Variants in PTPRD observed in about 807,000 individuals in gnomAD.
PTPRD encodes protein tyrosine phosphatase receptor type D.
A neutral mutation model predicts 214.5 loss-of-function variants in PTPRD; 34 were observed. That is an observed-to-expected ratio of 0.16 (90% CI 0.12 to 0.21). The LOEUF (loss-of-function observed/expected upper bound fraction) is 0.21. PTPRD is among the 10% of genes least tolerant of loss of function. The pLI is 1.00. For synonymous variants in PTPRD, 1,128 were observed against 845.7 expected (o/e 1.33, Z -5.79); for missense variants, 2,545 against 2,398.7 (o/e 1.06, Z -1.27).
intron 2 of PTPRD, among the ~76,000 whole-genome samples, chr9:10,352,114 A>ATATT: frequency 6.6e-6 from 1 of 152,142 alleles, no homozygotes; most frequent in East Asian, 1.9e-4. Flanking sequence ...AAAGCAAATC[A>ATATT]TATTTATCTC....
intron 44 of PTPRD, among the ~76,000 whole-genome samples, chr9:8,324,239 A>C (rs1178730635): frequency 2.0e-5 from 3 of 151,872 alleles, no homozygotes; most frequent in African/African-American, 7.3e-5. Flanking sequence ...TCCTGATGCT[A>C]TCCCTCCCCC....
At chr9:10,241,586 A>G (rs1212429980) in intron 3 of PTPRD, among the ~76,000 whole-genome samples, 1 of 151,994 alleles carries the variant, frequency 6.6e-6, no homozygotes, top group Non-Finnish European at 1.5e-5. Flanking sequence ...ACTGAAAGAA[A>G]AATACAAAGC....
intron 2 of PTPRD, among the ~76,000 whole-genome samples, chr9:10,479,744 C>T (rs1262120105): frequency 2.0e-5 from 3 of 151,992 alleles, no homozygotes; most frequent in African/African-American, 7.2e-5. Context: ...GTCGCTTGAG[C>T]CCAGGGTTCC....
chr9:9,880,866 G>A (rs542234475), intron 5 of PTPRD, among the ~76,000 whole-genome samples: 2 of 151,856 alleles, frequency 1.3e-5, no homozygotes, highest in South Asian at 4.2e-4. Flanking sequence ...TTTTCCTACT[G>A]TCTGAAACTG....
At chr9:8,583,479 A>G (rs1018605449) in intron 14 of PTPRD, among the ~76,000 whole-genome samples, 27 of 152,302 alleles carry the variant, frequency 1.8e-4, no homozygotes, top group African/African-American at 6.5e-4. Context: ...GCCACCACGC[A>G]TGGCTGGATA....
At chr9:9,863,533 C>A (rs2063256631) in intron 5 of PTPRD, among the ~76,000 whole-genome samples, 1 of 152,154 alleles carries the variant, frequency 6.6e-6, no homozygotes, top group Non-Finnish European at 1.5e-5. Context: ...CAGAGACAAA[C>A]TTGATTAATC....
At chr9:9,090,061 C>A (rs1291870663) in intron 10 of PTPRD, among the ~76,000 whole-genome samples, 1 of 152,092 alleles carries the variant, frequency 6.6e-6, no homozygotes, top group East Asian at 1.9e-4. Context: ...TATTCCTTTG[C>A]ATTGGGAACA....
chr9:9,899,373 T>G (rs889749824), intron 5 of PTPRD, among the ~76,000 whole-genome samples: 1 of 152,044 alleles, frequency 6.6e-6, no homozygotes, highest in African/African-American at 2.4e-5. Flanking sequence ...TAATAATAAT[T>G]TATTTAACAA....
intron 9 of PTPRD, among the ~76,000 whole-genome samples, chr9:9,395,673 A>G (rs867059791): frequency 1.3e-5 from 2 of 152,040 alleles, no homozygotes; most frequent in South Asian, 4.1e-4. Flanking sequence ...AAACCTGCCA[A>G]CTTTGGCATC....
chr9:10,174,597 T>C (rs2099234790), intron 3 of PTPRD, among the ~76,000 whole-genome samples: 1 of 152,034 alleles, frequency 6.6e-6, no homozygotes, highest in Non-Finnish European at 1.5e-5. Context: ...TTTTTTTTCC[T>C]AGCTTTCTTT....
intron 5 of PTPRD, among the ~76,000 whole-genome samples, chr9:9,811,991 C>T (rs1396292846): frequency 6.6e-6 from 1 of 152,176 alleles, no homozygotes; most frequent in Non-Finnish European, 1.5e-5. Context: ...GCTACTTCCA[C>T]CTTCAGCAAT....
At chr9:9,986,119 G>A (rs2095701863) in intron 4 of PTPRD, among the ~76,000 whole-genome samples, 1 of 152,082 alleles carries the variant, frequency 6.6e-6, no homozygotes, top group African/African-American at 2.4e-5. Flanking sequence ...ATTATTAACT[G>A]TTAGCTGGTT....
At chr9:10,556,699 A>G (rs1029733155) in intron 2 of PTPRD, among the ~76,000 whole-genome samples, 5 of 152,126 alleles carry the variant, frequency 3.3e-5, no homozygotes, top group African/African-American at 9.6e-5. Context: ...ATGAACATCT[A>G]AAAACAGGAG....
intron 9 of PTPRD, among the ~76,000 whole-genome samples, chr9:9,309,025 A>G (rs1442441977): frequency 5.3e-5 from 8 of 152,092 alleles, no homozygotes; most frequent in Admixed American, 4.6e-4. Flanking sequence ...CAAATCATTT[A>G]GCTGATTTGT....
At chr9:9,526,116 C>G (rs1197582803) in intron 8 of PTPRD, among the ~76,000 whole-genome samples, 2 of 152,044 alleles carry the variant, frequency 1.3e-5, no homozygotes, top group African/African-American at 4.8e-5. Context: ...ATTTTTAAGC[C>G]TTGCTTCTTT....
At chr9:9,714,387 T>C (rs1415599638) in intron 7 of PTPRD, among the ~76,000 whole-genome samples, 2 of 152,210 alleles carry the variant, frequency 1.3e-5, no homozygotes. Context: ...AGCCATATCA[T>C]TCTTGGCAAA....
chr9:9,855,768 G>C (rs1413879499), intron 5 of PTPRD, among the ~76,000 whole-genome samples: 1 of 152,190 alleles, frequency 6.6e-6, no homozygotes, highest in African/African-American at 2.4e-5. Context: ...CTTTGTGCGG[G>C]CCCCATGGCA....
intron 3 of PTPRD, among the ~76,000 whole-genome samples, chr9:10,165,016 T>A (rs1398574703): frequency 6.6e-6 from 1 of 151,648 alleles, no homozygotes; most frequent in Non-Finnish European, 1.5e-5. Flanking sequence ...AATTGCCTCA[T>A]CTTTGATGGC....
At chr9:8,676,378 ATTTTT>A (rs559455727) in intron 12 of PTPRD, among the ~76,000 whole-genome samples, 1 of 111,634 alleles carries the variant, frequency 9.0e-6, no homozygotes, top group African/African-American at 3.4e-5. Flanking sequence ...GCTCATTTTC[ATTTTT>A]TTTTTTTTTT....
Sources: gnomAD v4.1 joint callset for allele counts (sites outside exome capture counted in the v4.1 genomes callset) on GRCh38, gnomAD v4.1.1 for gene constraint, MANE v1.5 for transcripts, NCBI Gene and HGNC (gene_info 2026-07-23, HGNC 2026-07-21) for gene names.